Variants in UNC80 observed in about 807,000 individuals in gnomAD.
UNC80 encodes the protein protein unc-80 homolog.
A neutral mutation model predicts 384.6 loss-of-function variants in UNC80; 164 were observed. The ratio of observed to expected loss-of-function variants is 0.43; its 90% CI spans 0.38 to 0.49. The LOEUF (loss-of-function observed/expected upper bound fraction) is 0.49, where lower values mean the gene tolerates loss of function less well. Among genes scored for constraint, UNC80 ranks in the 20% least tolerant of loss-of-function variants. The pLI is 0.00. For synonymous variants in UNC80, 1,486 were observed against 1,527.8 expected (o/e 0.97, Z 0.64); for missense variants, 3,330 against 4,143.0 (o/e 0.80, Z 5.39).
rs1174811947 is a variant in UNC80, at chr2:209,775,978, G to A, written c.231G>A (p.Leu77=). ...TCCAGAGCATTTCCAGATGGGAACT[G>A]GTGCAAGCTGCTTTGCCTCATGTCC... The part of the protein sequence containing the change: ...EAIQSISRWE[L]VQAALPHVLH... Residue 77 remains leucine (L), a synonymous_variant, in exon 3 of 65, where the codon CTG becomes CTA. Transcript: ENST00000673920. 6.2e-7 allele frequency: 1 copy of A among 1,614,150 alleles called. No homozygotes were observed. The highest frequency in any genetic ancestry group is 2.2e-5 in the East Asian group (1 of 44,876).
chr2:209,976,379 G>T lies in UNC80; in HGVS notation c.8772+76G>T. On this transcript the variant is annotated intron_variant, in intron 57 of 64. Coordinates refer to ENST00000673920, the MANE Select transcript of UNC80 (RefSeq NM_001371986.1). The surrounding 1 kb of genome is among the most constrained non-coding windows in gnomAD (Gnocchi z 4.3). ...GGCTCTCTACTGAGGCAGGAATATG[G>T]CAGGAGTGCTCATGGTACCTACTGT... 1 of 1,536,278 alleles carries T rather than the reference G, an allele frequency of 6.5e-7. No homozygotes were observed. The highest frequency in any genetic ancestry group is 1.2e-5 in the South Asian group (1 of 83,268).
intron 11 of UNC80, 113 bp downstream of exon 11, chr2:209,818,065 G>T: frequency 1.5e-6 from 2 of 1,342,686 alleles, no homozygotes; most frequent in South Asian, 3.0e-5. Context: ...TCTGAAAACT[G>T]GCATTCTTGT....
At chr2:209,853,188 C>T (rs948734718) in intron 22 of UNC80, among the ~76,000 whole-genome samples, 1 of 152,010 alleles carries the variant, frequency 6.6e-6, no homozygotes, top group African/African-American at 2.4e-5. Context: ...CTTGCATTTT[C>T]TCCCACCTCT....
At chr2:209,875,130 C>G (rs1358355108) in intron 23 of UNC80, among the ~76,000 whole-genome samples, 1 of 152,170 alleles carries the variant, frequency 6.6e-6, no homozygotes, top group Non-Finnish European at 1.5e-5. Context: ...TACAGCCCAG[C>G]CCACCCAAGA....
chr2:209,813,531 C>G, intron 7 of UNC80, 49 bp from the exon 8 acceptor site: 2 of 1,527,752 alleles, frequency 1.3e-6, no homozygotes, highest in Non-Finnish European at 1.8e-6. Context: ...TGCTGCCCCT[C>G]TGAAAGCTTG....
intron 23 of UNC80, among the ~76,000 whole-genome samples, chr2:209,874,082 C>G (rs1161397654): frequency 6.6e-6 from 1 of 152,128 alleles, no homozygotes; most frequent in African/African-American, 2.4e-5. Context: ...TTCGATTGCA[C>G]ATTATATATG....
intron 36 of UNC80, among the ~76,000 whole-genome samples, chr2:209,928,578 T>C (rs544915605): frequency 6.6e-6 from 1 of 152,326 alleles, no homozygotes; most frequent in East Asian, 1.9e-4. Context: ...TACATATTTA[T>C]GGGGTACAGT....
At position 209,976,292 on chromosome 2, in the gene UNC80, A is replaced by AT; in HGVS notation, c.8762dup (p.Gln2922ProfsTer13). 1.3e-6 allele frequency: 2 copies of AT among 1,551,666 alleles called. No individual in the cohort carries two copies. The highest frequency in any genetic ancestry group is 1.7e-6 in the Non-Finnish European group (2 of 1,147,008). ...CATCTTTGTGCTTTTGCGCCCTTTC[A>AT]TCCAGTGCAAGGTGTGGTGTGTGCT... On this transcript the variant is annotated frameshift_variant, in exon 57 of 65. Coordinates refer to ENST00000673920, the MANE Select transcript of UNC80 (RefSeq NM_001371986.1). LOFTEE classifies it high-confidence loss of function. This position sits in a 1 kb window ranked among gnomAD's most constrained non-coding sequence, Gnocchi z 4.3.
intron 56 of UNC80, among the ~76,000 whole-genome samples, chr2:209,975,881 A>T (rs2093000388): frequency 6.6e-6 from 1 of 152,170 alleles, no homozygotes; most frequent in Admixed American, 6.5e-5. Flanking sequence ...AGTTCTTAAG[A>T]TGCACTTAAG....
chr2:209,838,468 A>AT (rs1018055587), intron 18 of UNC80, among the ~76,000 whole-genome samples: 2 of 151,912 alleles, frequency 1.3e-5, no homozygotes, highest in Admixed American at 1.3e-4. Context: ...AGTTGTACTT[A>AT]TTTTTTACTT....
chr2:209,886,331 A>G (rs1008641747), intron 25 of UNC80, among the ~76,000 whole-genome samples: 1 of 151,832 alleles, frequency 6.6e-6, no homozygotes, highest in Non-Finnish European at 1.5e-5. Flanking sequence ...CAATCCCAAC[A>G]CTTTGGGAGG....
At chr2:209,957,268 T>C (rs1394986406) in intron 48 of UNC80, among the ~76,000 whole-genome samples, 2 of 152,186 alleles carry the variant, frequency 1.3e-5, no homozygotes, top group Admixed American at 1.3e-4. Context: ...CCTTGCCTTT[T>C]ACTTATTATC....
Position 209,998,094 on chromosome 2 carries a change from G to T in UNC80, c.*2499G>T, listed in dbSNP as rs928411045. The T allele has an allele frequency of 6.6e-6, 1 of 152,094 alleles. No individual in the cohort carries two copies. Among genetic ancestry groups the T allele is most frequent in the Non-Finnish European group, 1.5e-5 (1 of 68,004 alleles). The allele number at this position is 152,094 out of a possible 1,614,324, so 9.4% of individuals were successfully genotyped here. ...CATTTCTTAAGCCATGATACTTAAT[G>T]ATATTTATCTTATTCAGAGGAAAAA... On this transcript the variant is annotated 3_prime_UTR_variant, in exon 65 of 65. Transcript: ENST00000673920.
intron 47 of UNC80, among the ~76,000 whole-genome samples, chr2:209,948,712 G>A (rs2092021421): frequency 6.6e-6 from 1 of 152,132 alleles, no homozygotes; most frequent in Non-Finnish European, 1.5e-5. Flanking sequence ...GGTGATGATG[G>A]TGGGATCTTT....
intron 20 of UNC80, among the ~76,000 whole-genome samples, chr2:209,841,733 G>GA (rs2081770454): frequency 6.6e-6 from 1 of 152,094 alleles, no homozygotes; most frequent in African/African-American, 2.4e-5. Flanking sequence ...AGCATATTTA[G>GA]AAAATATATG....
intron 61 of UNC80, among the ~76,000 whole-genome samples, chr2:209,987,053 A>G (rs773145121): frequency 9.9e-5 from 15 of 152,202 alleles, no homozygotes; most frequent in Admixed American, 2.0e-4. Context: ...AGTAGTCCTG[A>G]TGAAAATCTG....
intron 59 of UNC80, among the ~76,000 whole-genome samples, chr2:209,979,727 C>T (rs1226305563): frequency 6.6e-6 from 1 of 152,132 alleles, no homozygotes; most frequent in African/African-American, 2.4e-5. Flanking sequence ...TAATTATTTT[C>T]CACTTGTGTG....
intron 22 of UNC80, among the ~76,000 whole-genome samples, chr2:209,870,928 G>A (rs539335151): frequency 1.4e-4 from 22 of 152,264 alleles, no homozygotes; most frequent in South Asian, 8.3e-4. Context: ...TCTGCAAGCC[G>A]TGAGACAACA....
intron 4 of UNC80, 114 bp from the exon 5 acceptor site, chr2:209,785,952 A>G: frequency 8.1e-7 from 1 of 1,237,444 alleles, no homozygotes; most frequent in Non-Finnish European, 1.1e-6. Flanking sequence ...GGTTTGGCAG[A>G]TAAATTCACT....
Sources: allele counts gnomAD v4.1 joint callset (sites outside exome capture counted in the v4.1 genomes callset), GRCh38; gene constraint gnomAD v4.1.1; non-coding constraint Gnocchi (gnomAD v3.1); transcripts MANE v1.5; gene names NCBI Gene and HGNC (gene_info 2026-07-23, HGNC 2026-07-21).